Variants in ST8SIA1 observed in about 807,000 individuals in gnomAD.
ST8SIA1 encodes the protein alpha-N-acetylneuraminide alpha-2,8-sialyltransferase.
In ST8SIA1, 16 loss-of-function variants were observed where a neutral mutation model predicts 35.9. That is an observed-to-expected ratio of 0.45 (90% CI 0.30 to 0.68). The LOEUF (loss-of-function observed/expected upper bound fraction) is 0.68, where lower values mean the gene tolerates loss of function less well. Among genes scored for constraint, ST8SIA1 ranks in the 30% least tolerant of loss-of-function variants. The probability of loss-of-function intolerance (pLI) is 0.09; values close to 1 mark genes in which losing one functional copy is unlikely to be tolerated. For missense variants in ST8SIA1, 383 were observed against 453.6 expected (o/e 0.84, Z 1.41); for synonymous variants, 170 against 169.6 (o/e 1.00, Z -0.02).
At chr12:22,261,667 A>C (rs1449965485) in intron 2 of ST8SIA1, among the ~76,000 whole-genome samples, 1 of 152,154 alleles carries the variant, frequency 6.6e-6, no homozygotes, top group African/African-American at 2.4e-5. Context: ...TATTGTAATG[A>C]ATATATAAAT....
intron 1 of ST8SIA1, among the ~76,000 whole-genome samples, chr12:22,292,783 G>A (rs547513890): frequency 2.0e-5 from 3 of 152,194 alleles, no homozygotes; most frequent in African/African-American, 2.4e-5. Context: ...ACTGAAAAAC[G>A]ACCTATTGGG....
At chr12:22,273,835 T>A (rs1298502897) in intron 2 of ST8SIA1, among the ~76,000 whole-genome samples, 1 of 152,080 alleles carries the variant, frequency 6.6e-6, no homozygotes, top group East Asian at 1.9e-4. Flanking sequence ...GACACATAAC[T>A]CCCTATCATC....
intron 1 of ST8SIA1, among the ~76,000 whole-genome samples, chr12:22,316,122 T>C (rs1408676911): frequency 6.6e-6 from 1 of 152,148 alleles, no homozygotes; most frequent in Non-Finnish European, 1.5e-5. Context: ...AACATATAAA[T>C]GAGTGAAATT....
intron 2 of ST8SIA1, among the ~76,000 whole-genome samples, chr12:22,257,758 C>T (rs561223911): frequency 6.6e-6 from 1 of 151,922 alleles, no homozygotes; most frequent in East Asian, 1.9e-4. Flanking sequence ...AGAGAGTAGA[C>T]TATTAGGGAG....
intron 4 of ST8SIA1, among the ~76,000 whole-genome samples, chr12:22,213,154 C>T (rs1440387025): frequency 6.6e-6 from 1 of 151,994 alleles, no homozygotes; most frequent in Admixed American, 6.6e-5. Flanking sequence ...GATTTCATTC[C>T]CAACCAATCA....
At chr12:22,298,344 G>T (rs1475201974) in intron 1 of ST8SIA1, among the ~76,000 whole-genome samples, 3 of 152,198 alleles carry the variant, frequency 2.0e-5, no homozygotes, top group African/African-American at 7.2e-5. Context: ...GGCATCTAAA[G>T]TCGGGGGCAG....
intron 4 of ST8SIA1, among the ~76,000 whole-genome samples, chr12:22,215,344 C>G (rs1865223451): frequency 6.6e-6 from 1 of 152,152 alleles, no homozygotes; most frequent in South Asian, 2.1e-4. Flanking sequence ...TATTGAGTAC[C>G]TATCATGTAC....
intron 3 of ST8SIA1, 124 bp from the exon 4 acceptor site, chr12:22,249,222 T>G (rs1050138980): frequency 3.1e-6 from 1 of 319,152 alleles, no homozygotes; most frequent in South Asian, 5.4e-5. Flanking sequence ...TGTTTTTTGT[T>G]TTTTTTTTTT....
intron 4 of ST8SIA1, among the ~76,000 whole-genome samples, chr12:22,234,136 T>G (rs1865449353): frequency 6.6e-6 from 1 of 151,826 alleles, no homozygotes; most frequent in African/African-American, 2.4e-5. Context: ...GGTGGGTGCC[T>G]GTAATTCCAG....
At chr12:22,228,918 G>A (rs1006256423) in intron 4 of ST8SIA1, among the ~76,000 whole-genome samples, 1 of 152,064 alleles carries the variant, frequency 6.6e-6, no homozygotes, top group African/African-American at 2.4e-5. Context: ...GCTGGGCATG[G>A]TGGTGGGCAT....
chr12:22,256,125 G>A (rs553087532), intron 2 of ST8SIA1, among the ~76,000 whole-genome samples: 1 of 152,262 alleles, frequency 6.6e-6, no homozygotes, highest in East Asian at 1.9e-4. Flanking sequence ...CGTAAACAAC[G>A]ACACAGAAGT....
chr12:22,288,870 G>A (rs1016964295), intron 1 of ST8SIA1, among the ~76,000 whole-genome samples: 3 of 152,108 alleles, frequency 2.0e-5, no homozygotes, highest in Non-Finnish European at 4.4e-5. Flanking sequence ...TCCAGAGATG[G>A]TAAAGGTTTT....
intron 4 of ST8SIA1, among the ~76,000 whole-genome samples, chr12:22,207,622 G>A (rs1464246220): frequency 1.3e-5 from 2 of 151,826 alleles, no homozygotes; most frequent in Non-Finnish European, 2.9e-5. Context: ...TATTATTTTG[G>A]TAAAAACAGA....
intron 2 of ST8SIA1, among the ~76,000 whole-genome samples, chr12:22,285,106 C>A (rs950960341): frequency 1.3e-5 from 2 of 152,252 alleles, no homozygotes; most frequent in Non-Finnish European, 2.9e-5. Flanking sequence ...CAGCTTCCTG[C>A]TGAAGCATGA....
Position 22,199,675 on chromosome 12 carries a change from T to C in ST8SIA1, c.*1877A>G, listed in dbSNP as rs1865029069. 1 of 152,200 alleles carries C rather than the reference T, an allele frequency of 6.6e-6. No individual in the cohort carries two copies. The highest frequency in any genetic ancestry group is 6.5e-5 in the Admixed American group (1 of 15,282). The allele number at this position is 152,200 out of a possible 1,614,324, so 9.4% of individuals were successfully genotyped here. ...TAATTTTTATAATAACCTCACTATT[T>C]AATTGCATTTAGAAATGGTCTACTT... On this transcript the variant is annotated 3_prime_UTR_variant, in exon 5 of 5. Transcript: ENST00000396037.
At chr12:22,320,953 GAAAGAGAAAGAAAGAA>G (rs1232225989) in intron 1 of ST8SIA1, among the ~76,000 whole-genome samples, 96 of 80,660 alleles carry the variant, frequency 1.2e-3, no homozygotes, top group East Asian at 5.0e-3. Context: ...AAGAAAGAAA[GAAAGAGAAAGAAAGAA>G]AGAAAGAAAG....
chr12:22,256,480 T>C (rs927588952), intron 2 of ST8SIA1, among the ~76,000 whole-genome samples: 15 of 152,162 alleles, frequency 9.9e-5, no homozygotes, highest in Admixed American at 5.9e-4. Flanking sequence ...AGACCTTTCA[T>C]ATACACAACT....
intron 4 of ST8SIA1, among the ~76,000 whole-genome samples, chr12:22,233,803 C>A (rs188627037): frequency 6.6e-6 from 1 of 152,106 alleles, no homozygotes; most frequent in South Asian, 2.1e-4. Flanking sequence ...TACCTCTCAG[C>A]GTATCAGTTC....
intron 4 of ST8SIA1, among the ~76,000 whole-genome samples, chr12:22,241,698 G>A (rs1195113745): frequency 2.0e-5 from 3 of 149,930 alleles, no homozygotes; most frequent in Non-Finnish European, 4.4e-5. Context: ...TGTGGGAATG[G>A]ACTAATATAG....
Sources: allele counts gnomAD v4.1 joint callset (sites outside exome capture counted in the v4.1 genomes callset), GRCh38; gene constraint gnomAD v4.1.1; transcripts MANE v1.5; gene names NCBI Gene and HGNC (gene_info 2026-07-23, HGNC 2026-07-21).